The following TNKS2 variants were observed in gnomAD, a reference collection of about 807,000 sequenced individuals.
TNKS2 encodes poly [ADP-ribose] polymerase tankyrase-2.
In TNKS2, 72 loss-of-function variants were observed where a neutral mutation model predicts 137.6. That is an observed-to-expected ratio of 0.52 (90% confidence interval 0.43 to 0.64). The LOEUF (loss-of-function observed/expected upper bound fraction) is 0.64. Among genes scored for constraint, TNKS2 ranks in the 30% least tolerant of loss-of-function variants. TNKS2 has a pLI of 0.00. For synonymous variants in TNKS2, 516 were observed against 512.1 expected (o/e 1.01, Z -0.10); for missense variants, 1,049 against 1,410.2 (o/e 0.74, Z 4.10).
chr10:91,834,050 T>G, intron 12 of TNKS2, 26 bp downstream of exon 12: 1 of 1,493,876 alleles, frequency 6.7e-7, no homozygotes, highest in Non-Finnish European at 8.9e-7. Flanking sequence ...ATGAAATTGA[T>G]TTTTTTAAAT....
Position 91,820,564 on chromosome 10 carries a change from G to A in TNKS2, c.728+531G>A, listed in dbSNP as rs187735226. On this transcript the variant is annotated intron_variant, in intron 6 of 26. Transcript: ENST00000371627. ...CACACAGGAGACAAATGAAGTTTAG[G>A]ATTAGAGAAATAGGTAAGAACCAGG... Among the ~76,000 whole-genome samples the A allele has an allele frequency of 6.3e-3, 959 of 152,306 alleles. 12 individuals carry two copies. Among genetic ancestry groups the A allele is most frequent in the Non-Finnish European group, 9.7e-3 (662 of 68,020 alleles).
intron 1 of TNKS2, among the ~76,000 whole-genome samples, chr10:91,808,850 G>T (rs1844409604): frequency 6.6e-6 from 1 of 152,098 alleles, no homozygotes; most frequent in Non-Finnish European, 1.5e-5. Context: ...GGTAGAGGAA[G>T]CAATAAGCCC....
In TNKS2 at chr10:91,863,603, G is replaced by C. The variant is rs1842908514; in HGVS notation, c.*604G>C. The C allele has an allele frequency of 6.6e-6, 1 of 152,178 alleles. No homozygotes were observed. Among genetic ancestry groups the C allele is most frequent in the Non-Finnish European group, 1.5e-5 (1 of 68,012 alleles). The allele number at this position is 152,178 out of a possible 1,614,324, so 9.4% of individuals were successfully genotyped here. On this transcript the variant is annotated 3_prime_UTR_variant, in exon 27 of 27. Transcript: ENST00000371627. ...TTAGTTGGGAAAGATTGAGTTATCA[G>C]ATTTAATTTGCCGATGGGAGCCTTT...
chr10:91,851,474 G>C, intron 21 of TNKS2, 138 bp downstream of exon 21: 1 of 1,036,572 alleles, frequency 9.6e-7, no homozygotes, highest in Non-Finnish European at 1.4e-6. Flanking sequence ...AGGAAACTGG[G>C]ATTAAGTCTT....
chr10:91,812,735 AG>A (rs1305578413), intron 1 of TNKS2: 38 of 982,764 alleles, frequency 3.9e-5, no homozygotes, highest in Non-Finnish European at 4.3e-5. Context: ...TCTTTCTTTG[AG>A]GTTAGCAGTA....
Position 91,855,025 on chromosome 10 carries a change from A to G in TNKS2, c.2816-4A>G. 2 of 1,544,822 alleles carry G rather than the reference A, an allele frequency of 1.3e-6. No individual in the cohort carries two copies. The highest frequency in any genetic ancestry group is 2.3e-5 in the South Asian group (2 of 85,682). ...TTTTTCTACCTTCAAATTTTGTTTC[A>G]TAGGTCTTAACCCATATTTAACTTT... is the stretch of plus-strand genomic sequence containing the variant. On this transcript the variant is annotated splice_polypyrimidine_tract_variant and splice_region_variant and intron_variant, in intron 21 of 26. Transcript: ENST00000371627.
intron 21 of TNKS2, among the ~76,000 whole-genome samples, chr10:91,852,536 G>A (rs1429249313): frequency 6.6e-6 from 1 of 152,256 alleles, no homozygotes; most frequent in South Asian, 2.1e-4. Context: ...CTGCAGCCTG[G>A]TTGACAGAGC....
At chr10:91,861,969 C>A in intron 25 of TNKS2, 30 bp from the exon 26 acceptor site, 1 of 1,583,984 alleles carries the variant, frequency 6.3e-7, no homozygotes, top group South Asian at 1.2e-5. Flanking sequence ...AATTTGACTT[C>A]AGGGTGATCT....
Position 91,799,980 on chromosome 10 carries a change from G to T in TNKS2, c.199+1091G>T, listed in dbSNP as rs1386817716. ...AGTGAGAAATATTTCCTCTTTCACA[G>T]ATATTACTTTTACACTTTCTACCAA... is the stretch of plus-strand genomic sequence containing the variant. On this transcript the variant is annotated intron_variant, in intron 1 of 26. Transcript: ENST00000371627. Among the ~76,000 whole-genome samples the T allele has an allele frequency of 3.3e-5, 5 of 152,202 alleles. No homozygotes were observed. The East Asian group carries it at 9.6e-4, about 29-fold the overall frequency.
chr10:91,834,111 A>G, intron 12 of TNKS2, 87 bp downstream of exon 12: 1 of 1,141,824 alleles, frequency 8.8e-7, no homozygotes, highest in Non-Finnish European at 1.2e-6. Flanking sequence ...GGAGTTGGTA[A>G]TAAGAAAAAT....
At chr10:91,816,628 A>G (rs1056205288) in intron 2 of TNKS2, among the ~76,000 whole-genome samples, 1 of 152,208 alleles carries the variant, frequency 6.6e-6, no homozygotes, top group Non-Finnish European at 1.5e-5. Context: ...TATTGAAAGC[A>G]TAAGGAAGCT....
chr10:91,814,257 T>G (rs1307086882), intron 2 of TNKS2, among the ~76,000 whole-genome samples: 1 of 152,132 alleles, frequency 6.6e-6, no homozygotes, highest in East Asian at 1.9e-4. Flanking sequence ...AACAGAAAAG[T>G]TGTAAAAAAA....
chr10:91,819,053 G>A (rs746633545), intron 3 of TNKS2, among the ~76,000 whole-genome samples: 58 of 151,936 alleles, frequency 3.8e-4, no homozygotes, highest in Non-Finnish European at 4.6e-4. Flanking sequence ...ATATAAAATA[G>A]AATCTTTTTT....
rs1438129089 is a variant in TNKS2, at chr10:91,836,971, A to G, written c.1500A>G (p.Ala500=). ...SEADRQLLEA[A]KAGDVETVKK... ...CAGACAGACAATTGCTGGAAGCTGC[A>G]AAGGCTGGAGATGTCGAAACTGTAA... The change falls in exon 13 of 27, where the codon GCA becomes GCG. Residue 500 remains alanine, a synonymous_variant. Coordinates refer to ENST00000371627, the MANE Select transcript of TNKS2 (RefSeq NM_025235.4). 1 of 1,613,556 alleles carries G rather than the reference A, an allele frequency of 6.2e-7. No homozygotes were observed.
rs184333353 is a variant in TNKS2 at position 91,850,895 on chromosome 10, C to G, written c.2695-321C>G. ...AAAAGGGTTACTTTGAACAGTGATG[C>G]AGAAGTACCACTTGGCATAGTCCAG... On this transcript the variant is annotated intron_variant, in intron 20 of 26. Transcript: ENST00000371627. 2.6e-3 allele frequency among the ~76,000 whole-genome samples: 389 copies of G among 152,190 alleles called. 3 individuals are homozygous for G. Among genetic ancestry groups the G allele is most frequent in the African/African-American group, 8.9e-3 (369 of 41,516 alleles).
intron 13 of TNKS2, 44 bp downstream of exon 13, chr10:91,837,042 T>C: frequency 6.3e-7 from 1 of 1,590,036 alleles, no homozygotes; most frequent in Non-Finnish European, 8.6e-7. Context: ...GGTTTTTATT[T>C]TGACATTGTT....
At chr10:91,846,872 T>C (rs1028364829) in intron 18 of TNKS2, among the ~76,000 whole-genome samples, 3 of 152,208 alleles carry the variant, frequency 2.0e-5, no homozygotes, top group Admixed American at 6.5e-5. Context: ...CCAGATACAA[T>C]TAAGTTACAA....
chr10:91,821,784 A>G (rs1844900068), intron 6 of TNKS2, among the ~76,000 whole-genome samples: 1 of 152,210 alleles, frequency 6.6e-6, no homozygotes, highest in Admixed American at 6.5e-5. Context: ...ATCTATACCC[A>G]GGGAACAGTA....
chr10:91,809,269 A>G (rs1468800659), intron 1 of TNKS2, among the ~76,000 whole-genome samples: 1 of 152,226 alleles, frequency 6.6e-6, no homozygotes, highest in African/African-American at 2.4e-5. Context: ...GAAGCTGGGA[A>G]TAGGGGTGGG....
Sources: gnomAD v4.1 joint callset for allele counts (sites outside exome capture counted in the v4.1 genomes callset) on GRCh38, gnomAD v4.1.1 for gene constraint, MANE v1.5 for transcripts, NCBI Gene and HGNC (gene_info 2026-07-23, HGNC 2026-07-21) for gene names.